PTPN4: variants seen among roughly 807,000 people sequenced by gnomAD.
PTPN4 encodes the protein protein tyrosine phosphatase non-receptor type 4, also known as tyrosine-protein phosphatase non-receptor type 4.
Under a neutral mutation model 135.5 loss-of-function variants are expected in PTPN4, and 49 were observed. The ratio of observed to expected loss-of-function variants is 0.36; its 90% confidence interval spans 0.29 to 0.46. The LOEUF is 0.46. Among genes scored for constraint, PTPN4 ranks in the 20% least tolerant of loss-of-function variants. The pLI is 1.00. For synonymous variants in PTPN4, 333 were observed against 369.9 expected, an observed-to-expected ratio of 0.90 and a Z score of 1.14; for missense variants, 860 against 1,101.0, an observed-to-expected ratio of 0.78 and a Z score of 3.10.
At chr2:119,943,580 CTTTT>C (rs70949374) in intron 15 of PTPN4, among the ~76,000 whole-genome samples, 4 of 79,918 alleles carry the variant, frequency 5.0e-5, no homozygotes, top group African/African-American at 1.5e-4. Context: ...TCATTTTTTT[CTTTT>C]TTTTTTTTTT....
At chr2:119,884,852 C>A (rs187022827) in intron 8 of PTPN4, among the ~76,000 whole-genome samples, 1 of 152,122 alleles carries the variant, frequency 6.6e-6, no homozygotes, top group African/African-American at 2.4e-5. Flanking sequence ...GGGCTGTTGG[C>A]TCCCTTTTCT....
In PTPN4 at chr2:119,783,247, G is replaced by A. The variant is rs556610526; in HGVS notation, c.-18+22863G>A. On this transcript the variant is annotated intron_variant, in intron 1 of 26. Coordinates refer to ENST00000263708, the MANE Select transcript of PTPN4 (RefSeq NM_002830.4). ...ATCGGGAAAGGTTAGAAAAACTGGGGTATGCTAAGTAAAACAACAACAAAA... is the reference window on the plus strand; with the variant it reads ...ATCGGGAAAGGTTAGAAAAACTGGGATATGCTAAGTAAAACAACAACAAAA... Among the ~76,000 whole-genome samples, 144 of 152,246 alleles carry A rather than the reference G, an allele frequency of 9.5e-4. 1 individual carries two copies. Among genetic ancestry groups the A allele is most frequent in the Middle Eastern group, 3.4e-3 (1 of 294 alleles).
chr2:119,873,145 C>T (rs936745556), intron 3 of PTPN4, among the ~76,000 whole-genome samples: 1 of 151,918 alleles, frequency 6.6e-6, no homozygotes, highest in African/African-American at 2.4e-5. Context: ...GCATGCACTA[C>T]CACATCTGGC....
At chr2:119,864,348 C>T (rs1449684569) in intron 3 of PTPN4, among the ~76,000 whole-genome samples, 1 of 152,082 alleles carries the variant, frequency 6.6e-6, no homozygotes, top group Non-Finnish European at 1.5e-5. Flanking sequence ...TTTAAAGGTG[C>T]TCCTATTCCT....
At chr2:119,790,949 C>T (rs2104935211) in intron 1 of PTPN4, among the ~76,000 whole-genome samples, 2 of 152,230 alleles carry the variant, frequency 1.3e-5, no homozygotes, top group Middle Eastern at 6.8e-3. Flanking sequence ...TCCTATATAG[C>T]ACATCCTCCT....
At chr2:119,971,222 C>T (rs1018284089) in intron 26 of PTPN4, among the ~76,000 whole-genome samples, 1 of 152,028 alleles carries the variant, frequency 6.6e-6, no homozygotes, top group African/African-American at 2.4e-5. Flanking sequence ...TTCACATGGC[C>T]GGCGGGAGAG....
chr2:119,976,887 T>C lies in PTPN4; in HGVS notation c.2695-97T>C, dbSNP rs769739333. 3.3e-6 allele frequency: 5 copies of C among 1,502,572 alleles called. No homozygotes were observed. The East Asian group carries it at 1.2e-4, about 37-fold the overall frequency. The allele number at this position is 1,502,572 out of a possible 1,614,324, so 93.1% of individuals were successfully genotyped here. Reference sequence around the variant, plus strand: ...GCAGTTTTGTTTTGCATTTTTTAAGTAAGCAAGCCAAGTGAGATGTTTGTC... The same window carrying C: ...GCAGTTTTGTTTTGCATTTTTTAAGCAAGCAAGCCAAGTGAGATGTTTGTC... On this transcript the variant is annotated intron_variant, in intron 26 of 26. Transcript: ENST00000263708.
intron 11 of PTPN4, among the ~76,000 whole-genome samples, chr2:119,917,337 G>A (rs1325896241): frequency 6.6e-6 from 1 of 152,192 alleles, no homozygotes; most frequent in Non-Finnish European, 1.5e-5. Context: ...TGGTTCATAA[G>A]CATGATGATT....
At chr2:119,835,351 A>G (rs1003615160) in intron 2 of PTPN4, among the ~76,000 whole-genome samples, 1 of 151,952 alleles carries the variant, frequency 6.6e-6, no homozygotes, top group African/African-American at 2.4e-5. Flanking sequence ...CGCCCAGCTA[A>G]TTTTTGTATT....
chr2:119,853,928 A>C (rs953580531), intron 2 of PTPN4, among the ~76,000 whole-genome samples: 1 of 151,924 alleles, frequency 6.6e-6, no homozygotes, highest in Non-Finnish European at 1.5e-5. Flanking sequence ...GGTTTCAGTG[A>C]GTGGAAAGTT....
At chr2:119,976,162 AT>A (rs1238432724) in intron 26 of PTPN4, among the ~76,000 whole-genome samples, 12 of 150,844 alleles carry the variant, frequency 8.0e-5, no homozygotes, top group African/African-American at 1.9e-4. Flanking sequence ...CGCCCGGCTA[AT>A]TTTTTTTGTA....
intron 2 of PTPN4, among the ~76,000 whole-genome samples, chr2:119,829,461 C>T (rs893280260): frequency 1.3e-5 from 2 of 152,192 alleles, no homozygotes; most frequent in Non-Finnish European, 2.9e-5. Flanking sequence ...GAAACTCTAG[C>T]CATGTGGCAG....
At chr2:119,926,104 A>G (rs1393561432) in intron 12 of PTPN4, among the ~76,000 whole-genome samples, 1 of 152,232 alleles carries the variant, frequency 6.6e-6, no homozygotes, top group African/African-American at 2.4e-5. Flanking sequence ...CTATATTTGT[A>G]TATGGTTACA....
rs145466719 is a variant in PTPN4, at chr2:119,826,791, C to T, written c.138+16800C>T. Among the ~76,000 whole-genome samples the T allele has an allele frequency of 3.7e-3, 568 of 152,060 alleles. 3 individuals carry two copies. The highest frequency in any genetic ancestry group is 0.013 in the African/African-American group (535 of 41,464). ...TTGTAATCCCAGTGCTTTGGGAGGC[C>T]GAGACAGAAGGATTGCTTGAGGCTA... On this transcript the variant is annotated intron_variant, in intron 2 of 26. Transcript: ENST00000263708.
intron 1 of PTPN4, among the ~76,000 whole-genome samples, chr2:119,791,973 TTTTTG>T (rs888057424): frequency 2.0e-5 from 3 of 152,178 alleles, no homozygotes; most frequent in Admixed American, 6.5e-5. Flanking sequence ...TGTTCGTGTT[TTTTTG>T]TTTTGTTTTG....
chr2:119,911,482 C>G (rs1254666327), intron 10 of PTPN4, among the ~76,000 whole-genome samples: 1 of 151,974 alleles, frequency 6.6e-6, no homozygotes, highest in African/African-American at 2.4e-5. Context: ...ACATAGCTAA[C>G]TATAAATACA....
Position 119,760,022 on chromosome 2 carries a change from A to C in PTPN4, c.-380A>C. On this transcript the variant is annotated 5_prime_UTR_variant, in exon 1 of 27. Transcript: ENST00000263708. ...GGACTCCTGGGTCCCAGGGGCCGGAATTGGGCCTGAGCGGGAGAGGAAAGA... is the reference window on the plus strand; with the variant it reads ...GGACTCCTGGGTCCCAGGGGCCGGACTTGGGCCTGAGCGGGAGAGGAAAGA... The C allele has an allele frequency of 1.9e-5, 7 of 378,302 alleles. No individual in the cohort carries two copies. Among genetic ancestry groups the C allele is most frequent in the East Asian group, 3.8e-5 (1 of 26,182 alleles). 23.4% of individuals were successfully genotyped at this position (378,302 alleles called of 1,614,324 possible).
intron 26 of PTPN4, among the ~76,000 whole-genome samples, chr2:119,969,552 CTTTTTT>C (rs35531556): frequency 4.4e-5 from 5 of 113,862 alleles, no homozygotes; most frequent in Non-Finnish European, 6.7e-5. Context: ...TAATCAATTT[CTTTTTT>C]TTTTTTTTTT....
intron 2 of PTPN4, among the ~76,000 whole-genome samples, chr2:119,836,835 C>G (rs1677301866): frequency 6.6e-6 from 1 of 152,206 alleles, no homozygotes; most frequent in South Asian, 2.1e-4. Context: ...GATAACACAC[C>G]AGCCTCCTTC....
Sources: gnomAD v4.1 joint callset for allele counts (sites outside exome capture counted in the v4.1 genomes callset) on GRCh38, gnomAD v4.1.1 for gene constraint, MANE v1.5 for transcripts, NCBI Gene and HGNC (gene_info 2026-07-23, HGNC 2026-07-21) for gene names.